PALLD: variants seen among roughly 807,000 people sequenced by gnomAD.
The protein encoded by PALLD is palladin, cytoskeletal associated protein, also known as palladin.
A neutral mutation model predicts 123.5 loss-of-function variants in PALLD; 61 were observed. That is an observed-to-expected ratio of 0.49 (90% confidence interval 0.40 to 0.61). The LOEUF (loss-of-function observed/expected upper bound fraction) is 0.61, where lower values mean the gene tolerates loss of function less well. Among genes scored for constraint, PALLD ranks in the 20% least tolerant of loss-of-function variants. The pLI, the probability that PALLD is intolerant of heterozygous loss-of-function variation, is 0.00. For synonymous variants in PALLD, 465 were observed against 496.4 expected, an observed-to-expected ratio of 0.94 and a Z score of 0.84; for missense variants, 1,273 against 1,377.0, an observed-to-expected ratio of 0.92 and a Z score of 1.20.
chr4:168,865,570 C>A (rs1276218466), intron 10 of PALLD, among the ~76,000 whole-genome samples: 2 of 152,122 alleles, frequency 1.3e-5, no homozygotes, highest in Non-Finnish European at 1.5e-5. Context: ...ATTATTTATT[C>A]AAAAATGTTT....
chr4:168,515,071 T>C lies in PALLD; in HGVS notation c.908+2659T>C, dbSNP rs575207272. Among the ~76,000 whole-genome samples the C allele has an allele frequency of 1.6e-4, 24 of 152,376 alleles. 1 individual carries two copies. In the South Asian group the frequency reaches 3.1e-3, roughly 20 times the overall value. ...AAATGTTCCATTGTTGAAAGTTAGC[T>C]GGTCATGTTTGTATCCTATAGAGTT... On this transcript the variant is annotated intron_variant, in intron 2 of 21. Coordinates refer to ENST00000505667, the MANE Select transcript of PALLD (RefSeq NM_001166108.2).
chr4:168,902,377 T>C (rs956504114), intron 14 of PALLD, among the ~76,000 whole-genome samples: 1 of 152,168 alleles, frequency 6.6e-6, no homozygotes, highest in Non-Finnish European at 1.5e-5. Flanking sequence ...GGTGGGGTGA[T>C]GTAGCTATTA....
At chr4:168,854,162 TCA>T (rs1748230396) in intron 10 of PALLD, among the ~76,000 whole-genome samples, 1 of 1,046 alleles carries the variant, frequency 9.6e-4, no homozygotes, top group Non-Finnish European at 1.7e-3. Flanking sequence ...ACTCATGGAG[TCA>T]TTCATTCATT....
chr4:168,814,986 G>T (rs542646166), intron 10 of PALLD, among the ~76,000 whole-genome samples: 1 of 152,236 alleles, frequency 6.6e-6, no homozygotes, highest in African/African-American at 2.4e-5. Flanking sequence ...GGCCAGGCTG[G>T]TCTTGAACTC....
chr4:168,803,422 A>C (rs773922142), intron 10 of PALLD, among the ~76,000 whole-genome samples: 1 of 152,202 alleles, frequency 6.6e-6, no homozygotes, highest in Non-Finnish European at 1.5e-5. Flanking sequence ...AGTTGAAAAA[A>C]ATTTTAAAAA....
chr4:168,828,592 G>A (rs777810349), intron 10 of PALLD, among the ~76,000 whole-genome samples: 4 of 152,088 alleles, frequency 2.6e-5, no homozygotes, highest in African/African-American at 7.2e-5. Flanking sequence ...AGTGTCTTTC[G>A]TTTTAGTGTT....
chr4:168,635,079 A>T (rs1776208697), intron 2 of PALLD, among the ~76,000 whole-genome samples: 1 of 152,184 alleles, frequency 6.6e-6, no homozygotes, highest in Non-Finnish European at 1.5e-5. Context: ...TTTCTTTCTC[A>T]TGTCAAGCTT....
intron 2 of PALLD, among the ~76,000 whole-genome samples, chr4:168,523,698 T>C (rs1224581292): frequency 2.6e-5 from 4 of 152,196 alleles, no homozygotes; most frequent in African/African-American, 9.6e-5. Context: ...TATCCCCTAA[T>C]GAGGAGGTCT....
rs2320074 is a variant in PALLD at position 168,516,337 on chromosome 4, G to C, written c.908+3925G>C. On this transcript the variant is annotated intron_variant, in intron 2 of 21. Transcript: ENST00000505667. ...CAAACAGCATAAAGACCTGTTCCCT[G>C]ACATCACTCACCTTCCCTGTTCTCT... 5.4e-3 allele frequency among the ~76,000 whole-genome samples: 827 copies of C among 152,094 alleles called. 10 individuals are homozygous for C. Among genetic ancestry groups the C allele is most frequent in the African/African-American group, 0.019 (780 of 41,462 alleles).
chr4:168,889,590 GCCC>G lies in PALLD; in HGVS notation c.1965-1329_1965-1327del, dbSNP rs903123109. On this transcript the variant is annotated intron_variant, in intron 10 of 21. Coordinates refer to ENST00000505667, the MANE Select transcript of PALLD (RefSeq NM_001166108.2). ...CTTATCCATTTCTAGTACCTTTGAA[GCCC>G]CCATTTGACCCTCCCCAATTGCATC... Among the ~76,000 whole-genome samples the G allele has an allele frequency of 9.3e-4, 142 of 152,172 alleles. 1 individual carries two copies. The highest frequency in any genetic ancestry group is 3.3e-3 in the African/African-American group (137 of 41,496).
chr4:168,813,777 A>G (rs894450179), intron 10 of PALLD, among the ~76,000 whole-genome samples: 1 of 152,184 alleles, frequency 6.6e-6, no homozygotes, highest in Non-Finnish European at 1.5e-5. Context: ...ATAATTGGAT[A>G]TATTTTAAAT....
chr4:168,677,514 T>G (rs989603848), intron 3 of PALLD, among the ~76,000 whole-genome samples: 2 of 152,162 alleles, frequency 1.3e-5, no homozygotes, highest in African/African-American at 2.4e-5. Flanking sequence ...GAATTTTTTG[T>G]TTTTTAATGA....
At chr4:168,502,498 T>A (rs1177170537) in intron 1 of PALLD, among the ~76,000 whole-genome samples, 1 of 152,236 alleles carries the variant, frequency 6.6e-6, no homozygotes, top group Non-Finnish European at 1.5e-5. Context: ...GTGTTATATG[T>A]ATACACTAAC....
rs1582255330 is a variant in PALLD, at chr4:168,925,390, C to T, written c.*32+112C>T. Reference sequence around the variant, plus strand: ...AGCATCCTTAGGAGTTAACAGTAGGCAAAGGCATAACCATGTTTTTCACAT... The same window carrying T: ...AGCATCCTTAGGAGTTAACAGTAGGTAAAGGCATAACCATGTTTTTCACAT... On this transcript the variant is annotated intron_variant, in intron 21 of 21. Coordinates refer to ENST00000505667, the MANE Select transcript of PALLD (RefSeq NM_001166108.2). 9.8e-6 allele frequency: 8 copies of T among 815,064 alleles called. No homozygotes were observed. The East Asian group carries it at 1.9e-4, about 20-fold the overall frequency. The allele number at this position is 815,064 out of a possible 1,614,324, so 50.5% of individuals were successfully genotyped here. A position where few individuals can be genotyped will look rare whatever the true frequency, so the allele number is the denominator to read the frequency against.
chr4:168,600,002 C>CATACAT (rs1561290675), intron 2 of PALLD, among the ~76,000 whole-genome samples: 3 of 133,946 alleles, frequency 2.2e-5, no homozygotes, highest in African/African-American at 5.6e-5. Flanking sequence ...TATACACACA[C>CATACAT]GTATATACAT....
chr4:168,510,455 A>T, intron 1 of PALLD, among the ~76,000 whole-genome samples: 1 of 152,020 alleles, frequency 6.6e-6, no homozygotes, highest in East Asian at 1.9e-4. Context: ...TTATTTGTTT[A>T]ATATCTTCTC....
chr4:168,546,293 A>G (rs1766129782), intron 2 of PALLD, among the ~76,000 whole-genome samples: 1 of 146,374 alleles, frequency 6.8e-6, no homozygotes, highest in Non-Finnish European at 1.5e-5. Flanking sequence ...AAAAATTCCA[A>G]CGCCCCCCAC....
At chr4:168,763,550 T>C (rs1008994795) in intron 10 of PALLD, among the ~76,000 whole-genome samples, 2 of 152,130 alleles carry the variant, frequency 1.3e-5, no homozygotes, top group African/African-American at 4.8e-5. Context: ...TGACTGAGTG[T>C]TTTTTAAGCC....
At chr4:168,638,838 A>G (rs1776611180) in intron 2 of PALLD, among the ~76,000 whole-genome samples, 1 of 152,090 alleles carries the variant, frequency 6.6e-6, no homozygotes, top group Admixed American at 6.5e-5. Flanking sequence ...GGGGCGGGCC[A>G]TAAACATCCA....
Sources: gnomAD v4.1 joint callset for allele counts (sites outside exome capture counted in the v4.1 genomes callset) on GRCh38, gnomAD v4.1.1 for gene constraint, MANE v1.5 for transcripts, NCBI Gene and HGNC (gene_info 2026-07-23, HGNC 2026-07-21) for gene names.